NOC3L: variants seen among roughly 807,000 people sequenced by gnomAD.
The protein encoded by NOC3L is NOC3 like DNA replication regulator.
In NOC3L, 85 loss-of-function variants were observed where a neutral mutation model predicts 102.5. That is an observed-to-expected ratio of 0.83 (90% CI 0.70 to 0.99). The LOEUF (loss-of-function observed/expected upper bound fraction) is 0.99, where lower values mean the gene tolerates loss of function less well. Among genes scored for constraint, NOC3L ranks in the 50% least tolerant of loss-of-function variants. The probability of loss-of-function intolerance (pLI) is 0.00; values close to 1 mark genes in which losing one functional copy is unlikely to be tolerated. For missense variants in NOC3L, 878 were observed against 914.9 expected (o/e 0.96, Z 0.52); for synonymous variants, 303 against 309.4 (o/e 0.98, Z 0.22).
the NOC3L span, among the ~76,000 whole-genome samples, chr10:94,320,193 G>A: frequency 2.6e-5 from 4 of 151,950 alleles, no homozygotes; most frequent in African/African-American, 9.7e-5. Context: ...TAAGCAAGTT[G>A]TAAAACAGTA....
the NOC3L span, among the ~76,000 whole-genome samples, chr10:94,324,012 G>A: frequency 3.9e-5 from 6 of 152,156 alleles, no homozygotes; most frequent in African/African-American, 1.4e-4. Context: ...GTGAGCGCTG[G>A]TACATGCAGA....
intron 2 of NOC3L, among the ~76,000 whole-genome samples, chr10:94,359,294 C>T (rs2054525991): frequency 6.6e-6 from 1 of 152,098 alleles, no homozygotes; most frequent in South Asian, 2.1e-4. Context: ...GGCGTGGTGG[C>T]ACATGCCTGT....
intron 3 of NOC3L, 36 bp from the exon 4 acceptor site, chr10:94,357,367 T>A: frequency 6.7e-7 from 1 of 1,502,948 alleles, no homozygotes. Context: ...TCAGTCTTAA[T>A]AGATCTAAAA....
At chr10:94,315,726 C>T in the NOC3L span, among the ~76,000 whole-genome samples, 5 of 148,128 alleles carry the variant, frequency 3.4e-5, no homozygotes, top group Admixed American at 6.8e-5. Flanking sequence ...GCCGAGATCA[C>T]GCCACTGCAC....
chr10:94,334,310 G>A lies in NOC3L; in HGVS notation c.2275-5C>T. Reference sequence around the variant, plus strand: ...ATCCCCTTGTAAAAATTTACCCTAGGAAAATATTTAAAGTATGAGTTAGAA... The same window carrying A: ...ATCCCCTTGTAAAAATTTACCCTAGAAAAATATTTAAAGTATGAGTTAGAA... On this transcript the variant is annotated splice_region_variant and splice_polypyrimidine_tract_variant and intron_variant, in intron 20 of 20. Coordinates refer to ENST00000371361, the MANE Select transcript of NOC3L (RefSeq NM_022451.11). 1 of 1,564,872 alleles carries A rather than the reference G, an allele frequency of 6.4e-7. No individual in the cohort carries two copies. Among genetic ancestry groups the A allele is most frequent in the Non-Finnish European group, 8.8e-7 (1 of 1,140,200 alleles).
At chr10:94,351,709 T>TA (rs1564915401) in intron 8 of NOC3L, among the ~76,000 whole-genome samples, 1 of 150,842 alleles carries the variant, frequency 6.6e-6, no homozygotes, top group Admixed American at 6.6e-5. Flanking sequence ...TTTTTTTTTT[T>TA]AGAGACAGGA....
the NOC3L span, chr10:94,324,374 A>G: frequency 6.2e-7 from 1 of 1,614,096 alleles, no homozygotes; most frequent in Non-Finnish European, 8.5e-7. Context: ...AAATATTCCT[A>G]CAGCATCCTG....
intron 13 of NOC3L, among the ~76,000 whole-genome samples, chr10:94,342,192 G>A (rs2054293842): frequency 6.6e-6 from 1 of 152,110 alleles, no homozygotes; most frequent in Non-Finnish European, 1.5e-5. Flanking sequence ...TCTAGTTCAG[G>A]CTCTGCTCTT....
chr10:94,322,376 C>T, the NOC3L span, among the ~76,000 whole-genome samples: 2 of 151,936 alleles, frequency 1.3e-5, no homozygotes, highest in East Asian at 1.9e-4. Flanking sequence ...AAACAACCAA[C>T]CCAGTGGCTC....
At chr10:94,318,801 C>G in the NOC3L span, among the ~76,000 whole-genome samples, 1 of 152,190 alleles carries the variant, frequency 6.6e-6, no homozygotes, top group Admixed American at 6.5e-5. Context: ...TGGCTCACAC[C>G]TGTAATCCCA....
In NOC3L at chr10:94,337,818, A is replaced by C; in HGVS notation, c.2148T>G (p.Pro716=). 1.2e-6 allele frequency: 2 copies of C among 1,614,046 alleles called. No individual in the cohort carries two copies. The highest frequency in any genetic ancestry group is 1.7e-6 in the Non-Finnish European group (2 of 1,179,952). The part of the protein sequence containing the change: ...RFAAHLIAGA[P]SEGSGALKPE... The stretch of plus-strand genomic sequence containing the variant: ...GTTTGAGTGCTCCAGAGCCTTCAGA[A>C]GGTGCTCCAGCGATCAGGTGGGCTG... Residue 716 remains proline (P), a synonymous_variant, in exon 19 of 21, where the codon CCT becomes CCG. Transcript: ENST00000371361.
intron 2 of NOC3L, chr10:94,361,396 T>C: frequency 2.3e-6 from 1 of 436,490 alleles, no homozygotes; most frequent in Non-Finnish European, 4.1e-6. Flanking sequence ...GTACTTTCAG[T>C]TTGTTTTCCC....
At position 94,357,249 on chromosome 10, in the gene NOC3L, G is replaced by C; in HGVS notation, c.433C>G (p.Pro145Ala). Residue 145 changes from proline (P) to alanine (A), a missense_variant, in exon 4 of 21, where the codon CCA becomes GCA. Pro to Ala is a conservative substitution (Grantham distance 27). Coordinates refer to ENST00000371361, the MANE Select transcript of NOC3L (RefSeq NM_022451.11). ...AGTAAATGAATCAGTTCCTTCTCTG[G>C]TGCAGTTTGCAGAGTTCTTGGTATT... ...EKIPRTLQTA[P>A]EKELIHLLPI... 6.2e-7 allele frequency: 1 copy of C among 1,608,598 alleles called. No homozygotes were observed. Among genetic ancestry groups the C allele is most frequent in the Non-Finnish European group, 8.5e-7 (1 of 1,177,128 alleles).
At chr10:94,361,532 G>T in intron 2 of NOC3L, 133 bp downstream of exon 2, 2 of 755,128 alleles carry the variant, frequency 2.6e-6, no homozygotes, top group East Asian at 4.9e-5. Flanking sequence ...AGTCCTATAG[G>T]ACTACTATCC....
rs867253003 is a variant in NOC3L at position 94,333,302 on chromosome 10, G to C, written c.*875C>G. The C allele has an allele frequency of 6.6e-6, 1 of 152,022 alleles. No individual in the cohort carries two copies. Among genetic ancestry groups the C allele is most frequent in the South Asian group, 2.1e-4 (1 of 4,814 alleles). The allele number at this position is 152,022 out of a possible 1,614,324, so 9.4% of individuals were successfully genotyped here. ...ATTTATAATCTAGTCACTGAAACAC[G>C]CATTTCTTAGGCCACTCCTAGAATA... On this transcript the variant is annotated 3_prime_UTR_variant, in exon 21 of 21. Transcript: ENST00000371361.
At chr10:94,342,453 C>G (rs1211406625) in intron 13 of NOC3L, among the ~76,000 whole-genome samples, 1 of 151,810 alleles carries the variant, frequency 6.6e-6, no homozygotes, top group Non-Finnish European at 1.5e-5. Context: ...CCATGCATAT[C>G]GGTACAACTT....
At chr10:94,347,164 C>T (rs1413677250) in intron 10 of NOC3L, among the ~76,000 whole-genome samples, 1 of 152,140 alleles carries the variant, frequency 6.6e-6, no homozygotes, top group Non-Finnish European at 1.5e-5. Flanking sequence ...ACCGACCTCC[C>T]GCAGGCACAG....
Position 94,349,377 on chromosome 10 carries a change from A to C in NOC3L, c.1130T>G (p.Ile377Arg). ...VPLMNDMSKLISEMCCEAVKK... is the reference protein window; with the variant it reads ...VPLMNDMSKLRSEMCCEAVKK... ...CACAGCTTCACAACACATTTCAGAT[A>C]TCTGAAAAATAAAATGTCATACTTA... Residue 377 changes from isoleucine (I) to arginine (R), a missense_variant and splice_region_variant, in exon 10 of 21, where the codon ATA becomes AGA. Ile to Arg is a moderately conservative substitution (Grantham distance 97). Transcript: ENST00000371361. 1 of 1,571,780 alleles carries C rather than the reference A, an allele frequency of 6.4e-7. No homozygotes were observed. The highest frequency in any genetic ancestry group is 8.6e-7 in the Non-Finnish European group (1 of 1,168,090).
chr10:94,316,791 A>C, the NOC3L span: 1 of 1,476,350 alleles, frequency 6.8e-7, no homozygotes, highest in South Asian at 1.1e-5. Context: ...CACAGTAACG[A>C]CTCATTATGT....
Sources: allele counts gnomAD v4.1 joint callset (sites outside exome capture counted in the v4.1 genomes callset), GRCh38; gene constraint gnomAD v4.1.1; transcripts MANE v1.5; gene names NCBI Gene and HGNC (gene_info 2026-07-23, HGNC 2026-07-21).